The following S100A2 variants were observed in gnomAD, a reference collection of about 807,000 sequenced individuals.
S100A2 encodes S100 calcium binding protein A2, also known as protein S100-A2.
In S100A2, 5 loss-of-function variants were observed where a neutral mutation model predicts 4.3. The observed-to-expected ratio is 1.16, with a 90% CI of 0.61 to 2.44. The LOEUF (loss-of-function observed/expected upper bound fraction) is 2.44. S100A2 is among the 30% of genes most tolerant of loss of function. The pLI, the probability that S100A2 is intolerant of heterozygous loss-of-function variation, is 0.01. For missense variants in S100A2, 103 were observed against 114.7 expected (o/e 0.90, Z 0.47); for synonymous variants, 44 against 46.0 (o/e 0.96, Z 0.17).
rs1457781592 is a variant in S100A2 at position 153,561,710 on chromosome 1, G to A, written c.145-119C>T. The A allele has an allele frequency of 5.6e-6, 8 of 1,428,894 alleles. No homozygotes were observed. In the African/African-American group the frequency reaches 7.1e-5, roughly 13 times the overall value. The allele number at this position is 1,428,894 out of a possible 1,614,324, so 88.5% of individuals were successfully genotyped here. A position where few individuals can be genotyped will look rare whatever the true frequency, so the allele number is the denominator to read the frequency against. On this transcript the variant is annotated intron_variant, in intron 2 of 2. Coordinates refer to ENST00000368708, the MANE Select transcript of S100A2 (RefSeq NM_005978.4). ...GCTCTCCCTCCCCACTGGGCAGCTG[G>A]GTATAAGGTGGGCAGGAGGCCCTGG...
At chr1:153,564,205 C>A (rs1278495098) in intron 1 of S100A2, 1 of 251,206 alleles carries the variant, frequency 4.0e-6, no homozygotes, top group Non-Finnish European at 7.6e-6. Context: ...GACAGGGTGA[C>A]CAGAGTCCCA....
rs926549039 is a variant in S100A2 at position 153,563,839 on chromosome 1, C to T, written c.39G>A (p.Leu13=). The T allele has an allele frequency of 1.2e-6, 2 of 1,614,086 alleles. No homozygotes were observed. Among genetic ancestry groups the T allele is most frequent in the East Asian group, 2.2e-5 (1 of 44,894 alleles). ...CSSLEQALAV[L]VTTFHKYSCQ... ...AGGAGTACTTGTGGAAGGTAGTGAC[C>T]AGCACAGCCAGCGCCTGCTCCAGAG... The change falls in exon 2 of 3, where the codon CTG becomes CTA. Residue 13 remains leucine (L), a synonymous_variant. Coordinates refer to ENST00000368708, the MANE Select transcript of S100A2 (RefSeq NM_005978.4).
intron 2 of S100A2, among the ~76,000 whole-genome samples, chr1:153,562,562 G>A (rs1360946447): frequency 6.6e-6 from 1 of 152,176 alleles, no homozygotes; most frequent in African/African-American, 2.4e-5. Context: ...ACCTAACTTT[G>A]GGAATCACCA....
intron 2 of S100A2, 84 bp downstream of exon 2, chr1:153,563,650 A>G (rs1665944279): frequency 6.3e-7 from 1 of 1,585,812 alleles, no homozygotes; most frequent in South Asian, 1.1e-5. Flanking sequence ...ACCTGCATCG[A>G]CAGGCACCCG....
chr1:153,562,022 C>T (rs1665905289), intron 2 of S100A2, among the ~76,000 whole-genome samples: 1 of 151,928 alleles, frequency 6.6e-6, no homozygotes. Flanking sequence ...AGTGCAGTGG[C>T]ACAATCACAA....
In S100A2 at chr1:153,563,734, C is replaced by A. The variant is rs769924848; in HGVS notation, c.144G>T (p.Gly48=). ...TCCCCCACAGGCCTGTGCCACTCAC[C>A]CCCACAAAGCTGGGCAGCTCCTTGT... ...LLHKELPSFV[G]EKVDEEGLKK... The change falls in exon 2 of 3, where the codon GGG becomes GGT. Residue 48 remains glycine, a splice_region_variant and synonymous_variant. Transcript: ENST00000368708. 8 of 1,612,734 alleles carry A rather than the reference C, an allele frequency of 5.0e-6. No individual in the cohort carries two copies. In the African/African-American group the frequency reaches 1.1e-4, roughly 22 times the overall value.
chr1:153,565,389 C>T (rs1368476485), intron 1 of S100A2, 117 bp downstream of exon 1: 2 of 152,458 alleles, frequency 1.3e-5, no homozygotes, highest in East Asian at 1.9e-4. Context: ...GGGGGAAGGC[C>T]CAGAGAGGCC....
chr1:153,562,969 CAAAAAA>C (rs35473116), intron 2 of S100A2, among the ~76,000 whole-genome samples: 1 of 94,558 alleles, frequency 1.1e-5, no homozygotes. Context: ...CCCCCCACCA[CAAAAAA>C]AAAAAAAAAA....
At position 153,563,227 on chromosome 1, in the gene S100A2, C is replaced by G. The variant is rs556773839; in HGVS notation, c.144+507G>C. 3.3e-5 allele frequency among the ~76,000 whole-genome samples: 5 copies of G among 152,142 alleles called. No individual in the cohort carries two copies. The South Asian group carries it at 8.3e-4, about 25-fold the overall frequency. On this transcript the variant is annotated intron_variant, in intron 2 of 2. Coordinates refer to ENST00000368708, the MANE Select transcript of S100A2 (RefSeq NM_005978.4). ...TCTCTACTAAAAATACAAAAATTAG[C>G]TGGGCGTAGTGGGATGCGCCTGTAG...
At chr1:153,562,768 A>T (rs994239383) in intron 2 of S100A2, among the ~76,000 whole-genome samples, 4 of 152,038 alleles carry the variant, frequency 2.6e-5, no homozygotes, top group Admixed American at 1.3e-4. Context: ...AGGTGGGAGG[A>T]TTGCTTGAAC....
In S100A2 at chr1:153,563,733, C is replaced by A; in HGVS notation, c.144+1G>T. 2 of 1,612,606 alleles carry A rather than the reference C, an allele frequency of 1.2e-6. No homozygotes were observed. The highest frequency in any genetic ancestry group is 2.7e-5 in the African/African-American group (2 of 75,056). ...CTCCCCCACAGGCCTGTGCCACTCA[C>A]CCCCACAAAGCTGGGCAGCTCCTTG... On this transcript the variant is annotated splice_donor_variant, in intron 2 of 2. Transcript: ENST00000368708. LOFTEE classifies it high-confidence loss of function.
intron 2 of S100A2, 138 bp downstream of exon 2, chr1:153,563,596 A>C: frequency 6.4e-7 from 1 of 1,556,338 alleles, no homozygotes. Context: ...ACTCCAGTGG[A>C]GCCATGAAGC....
Position 153,561,571 on chromosome 1 carries a change from C to T in S100A2, c.165G>A (p.Gly55=). The T allele has an allele frequency of 1.2e-6, 2 of 1,614,164 alleles. No homozygotes were observed. The highest frequency in any genetic ancestry group is 8.5e-7 in the Non-Finnish European group (1 of 1,180,020). The change falls in exon 3 of 3, where the codon GGG becomes GGA. Residue 55 remains glycine, a synonymous_variant. Transcript: ENST00000368708. ...CCAGGCTGCCCATCAGCTTCTTCAG[C>T]CCCTCCTCATCCACTTTCTCCTGAA... The part of the protein sequence containing the change: ...SFVGEKVDEE[G]LKKLMGSLDE...
rs1469173327 is a variant in S100A2 at position 153,563,790 on chromosome 1, G to C, written c.88C>G (p.Leu30Val). 6.2e-6 allele frequency: 10 copies of C among 1,614,088 alleles called. No individual in the cohort carries two copies. The highest frequency in any genetic ancestry group is 1.7e-5 in the Admixed American group (1 of 60,002). ...AGTTCCTTCATTTCCCCCTTACTCAGCTTGAACTTGTCGCCCTCTTGGCAG... is the reference window on the plus strand; with the variant it reads ...AGTTCCTTCATTTCCCCCTTACTCACCTTGAACTTGTCGCCCTCTTGGCAG... Reference protein sequence around the residue: ...YSCQEGDKFKLSKGEMKELLH... With the variant: ...YSCQEGDKFKVSKGEMKELLH... Residue 30 changes from leucine (L) to valine (V), a missense_variant, in exon 2 of 3, where the codon CTG becomes GTG. Coordinates refer to ENST00000368708, the MANE Select transcript of S100A2 (RefSeq NM_005978.4).
chr1:153,563,681 C>A, intron 2 of S100A2, 53 bp downstream of exon 2: 2 of 1,594,486 alleles, frequency 1.3e-6, no homozygotes, highest in South Asian at 1.1e-5. Context: ...AGAGATTTAA[C>A]CTGCACCCCC....
At position 153,561,230 on chromosome 1, in the gene S100A2, A is replaced by C. The variant is rs544248813; in HGVS notation, c.*209T>G. ...CTAAAGCATAGCTCTGGCCTTGGAG[A>C]GATTTCCAGGAGAGTCAGAGCCCAG... On this transcript the variant is annotated 3_prime_UTR_variant, in exon 3 of 3. Transcript: ENST00000368708. 9.7e-6 allele frequency: 5 copies of C among 515,072 alleles called. No individual in the cohort carries two copies. In the African/African-American group the frequency reaches 9.8e-5, roughly 10 times the overall value. 31.9% of individuals were successfully genotyped at this position (515,072 alleles called of 1,614,324 possible).
In S100A2 at chr1:153,561,578, T is replaced by C; in HGVS notation, c.158A>G (p.Glu53Gly). The C allele has an allele frequency of 6.2e-7, 1 of 1,614,144 alleles. No individual in the cohort carries two copies. The highest frequency in any genetic ancestry group is 1.1e-5 in the South Asian group (1 of 91,082). The change falls in exon 3 of 3, where the codon GAG becomes GGG. Residue 53 changes from glutamate to glycine, a missense_variant. Transcript: ENST00000368708. Reference sequence around the variant, plus strand: ...GCCCATCAGCTTCTTCAGCCCCTCCTCATCCACTTTCTCCTGAAAGTGACA... The same window carrying C: ...GCCCATCAGCTTCTTCAGCCCCTCCCCATCCACTTTCTCCTGAAAGTGACA... ...LPSFVGEKVD[E>G]EGLKKLMGSL...
At position 153,561,527 on chromosome 1, in the gene S100A2, T is replaced by A. The variant is rs1160765748; in HGVS notation, c.209A>T (p.Gln70Leu). 1.2e-6 allele frequency: 2 copies of A among 1,614,194 alleles called. No individual in the cohort carries two copies. Among genetic ancestry groups the A allele is most frequent in the Non-Finnish European group, 8.5e-7 (1 of 1,180,034 alleles). ...AACAGCATACTCCTGGAAGTCCACCTGCTGGTCACTGTTCTCATCCAGGCT... is the reference window on the plus strand; with the variant it reads ...AACAGCATACTCCTGGAAGTCCACCAGCTGGTCACTGTTCTCATCCAGGCT... ...MGSLDENSDQ[Q>L]VDFQEYAVFL... Residue 70 changes from glutamine to leucine, a missense_variant, in exon 3 of 3, where the codon CAG becomes CTG. Physicochemically the swap from Gln to Leu is moderately radical, Grantham distance 113. Transcript: ENST00000368708.
At chr1:153,564,029 C>T (rs1333849026) in intron 1 of S100A2, 142 bp from the exon 2 acceptor site, 1 of 822,514 alleles carries the variant, frequency 1.2e-6, no homozygotes, top group Non-Finnish European at 1.8e-6. Flanking sequence ...GCATCTCCCC[C>T]TCAGACTGTG....
Sources: allele counts gnomAD v4.1 joint callset (sites outside exome capture counted in the v4.1 genomes callset), GRCh38; gene constraint gnomAD v4.1.1; transcripts MANE v1.5; gene names NCBI Gene and HGNC (gene_info 2026-07-23, HGNC 2026-07-21).